KIF27: variants seen among roughly 807,000 people sequenced by gnomAD.
KIF27 encodes kinesin family member 27.
In KIF27, 84 loss-of-function variants were observed where a neutral mutation model predicts 141.8. The ratio of observed to expected loss-of-function variants is 0.59; its 90% CI spans 0.50 to 0.71. KIF27 has a LOEUF of 0.71. Among genes scored for constraint, KIF27 ranks in the 30% least tolerant of loss-of-function variants. The pLI is 0.00. For synonymous variants in KIF27, 471 were observed against 569.5 expected (o/e 0.83, Z 2.46); for missense variants, 1,306 against 1,628.4 (o/e 0.80, Z 3.41).
intron 17 of KIF27, among the ~76,000 whole-genome samples, chr9:83,839,271 A>G (rs1946289018): frequency 1.3e-5 from 2 of 152,224 alleles, no homozygotes; most frequent in Admixed American, 6.5e-5. Context: ...GGCTCACTCC[A>G]AAGCCCACTT....
At chr9:83,882,546 G>A (rs1334199245) in intron 10 of KIF27, among the ~76,000 whole-genome samples, 7 of 152,180 alleles carry the variant, frequency 4.6e-5, no homozygotes. Flanking sequence ...CCCTCAAATG[G>A]TAACTACTGT....
chr9:83,879,945 T>C (rs1564360798), intron 11 of KIF27, among the ~76,000 whole-genome samples: 1 of 152,206 alleles, frequency 6.6e-6, no homozygotes, highest in Non-Finnish European at 1.5e-5. Context: ...GGACAACGCA[T>C]GTCAAAGCAC....
intron 10 of KIF27, among the ~76,000 whole-genome samples, chr9:83,882,735 T>C (rs1478225802): frequency 6.6e-6 from 1 of 152,176 alleles, no homozygotes; most frequent in East Asian, 1.9e-4. Context: ...GAAAAGGATA[T>C]ACAGCAGGAA....
chr9:83,883,026 T>C (rs370341482), intron 10 of KIF27, among the ~76,000 whole-genome samples: 1 of 152,152 alleles, frequency 6.6e-6, no homozygotes, highest in East Asian at 1.9e-4. Flanking sequence ...ACCAGAGGTA[T>C]ATTGTAAACA....
intron 2 of KIF27, among the ~76,000 whole-genome samples, chr9:83,911,170 G>A (rs1397617229): frequency 6.6e-6 from 1 of 152,082 alleles, no homozygotes; most frequent in Non-Finnish European, 1.5e-5. Flanking sequence ...GGGCTCAGGC[G>A]ATCCTCCCAC....
intron 14 of KIF27, among the ~76,000 whole-genome samples, chr9:83,854,570 CT>C (rs897216216): frequency 3.3e-5 from 5 of 152,068 alleles, no homozygotes; most frequent in Admixed American, 2.6e-4. Context: ...TTTTCCTTTT[CT>C]TTTTTTATTT....
At chr9:83,859,570 T>C (rs1949648198) in intron 13 of KIF27, 199 bp from the exon 14 acceptor site, 2 of 538,090 alleles carry the variant, frequency 3.7e-6, no homozygotes, top group African/African-American at 1.9e-5. Flanking sequence ...TTGCTCTTGT[T>C]CCCCAGGCTA....
intron 5 of KIF27, among the ~76,000 whole-genome samples, chr9:83,896,011 C>G (rs1953187280): frequency 7.2e-6 from 1 of 138,898 alleles, no homozygotes; most frequent in African/African-American, 2.6e-5. Flanking sequence ...GAGATCATGC[C>G]ATTGCACTCC....
rs1448590868 is a variant in KIF27 at position 83,880,560 on chromosome 9, T to C, written c.2446-66A>G. 9.3e-6 allele frequency: 11 copies of C among 1,188,998 alleles called. No homozygotes were observed. In the Admixed American group the frequency reaches 1.1e-4, roughly 12 times the overall value. 73.7% of individuals were successfully genotyped at this position (1,188,998 alleles called of 1,614,324 possible). ...TCTCACAATCCTCAACTAAACTTAA[T>C]CTTTTCATTTGATGGTAAAAGAAGA... On this transcript the variant is annotated intron_variant, in intron 10 of 17. Coordinates refer to ENST00000297814, the MANE Select transcript of KIF27 (RefSeq NM_017576.4).
In KIF27 at chr9:83,915,682, T is replaced by A; in HGVS notation, c.-87-4A>T. The A allele has an allele frequency of 7.6e-7, 1 of 1,322,524 alleles. No homozygotes were observed. Among genetic ancestry groups the A allele is most frequent in the Non-Finnish European group, 1.0e-6 (1 of 973,014 alleles). 81.9% of individuals were successfully genotyped at this position (1,322,524 alleles called of 1,614,324 possible). On this transcript the variant is annotated splice_region_variant and splice_polypyrimidine_tract_variant and intron_variant, in intron 1 of 17. Transcript: ENST00000297814. ...ATCTTATGTAAGATCTGGATTCCTG[T>A]GCAACAAAAATAAAAAGCAAATTTT...
intron 4 of KIF27, among the ~76,000 whole-genome samples, chr9:83,900,859 C>G: frequency 6.6e-6 from 1 of 151,012 alleles, no homozygotes; most frequent in African/African-American, 2.4e-5. Flanking sequence ...GAAGGTCCTG[C>G]TCTACCTAGA....
chr9:83,834,145 T>C lies in KIF27; in HGVS notation c.*2856A>G, dbSNP rs1587814263. On this transcript the variant is annotated 3_prime_UTR_variant, in exon 18 of 18. Coordinates refer to ENST00000297814, the MANE Select transcript of KIF27 (RefSeq NM_017576.4). ...TTACAGTTAAGAGGAAAAAAGAACA[T>C]AATGAACGAAAAAAAGAAAACCACA... 6.6e-6 allele frequency among the ~76,000 whole-genome samples: 1 copy of C among 151,786 alleles called. No homozygotes were observed. Among genetic ancestry groups the C allele is most frequent in the South Asian group, 2.1e-4 (1 of 4,806 alleles).
At chr9:83,894,979 C>G (rs1453851052) in intron 5 of KIF27, among the ~76,000 whole-genome samples, 1 of 151,930 alleles carries the variant, frequency 6.6e-6, no homozygotes, top group African/African-American at 2.4e-5. Context: ...GGCACTGTGG[C>G]TCACACCTGT....
In KIF27 at chr9:83,918,767, C is replaced by G. The variant is rs148892926; in HGVS notation, c.-88+2604G>C. On this transcript the variant is annotated intron_variant, in intron 1 of 17. Transcript: ENST00000297814. ...ACCAGCCTGGACAACATGGTGTAAC[C>G]CCATTGCTACCTAAAATACAAAAAT... 6.2e-4 allele frequency among the ~76,000 whole-genome samples: 94 copies of G among 151,942 alleles called. 1 individual carries two copies. Among genetic ancestry groups the G allele is most frequent in the Non-Finnish European group, 1.1e-3 (74 of 67,972 alleles).
chr9:83,865,171 T>C (rs949880949), intron 13 of KIF27, among the ~76,000 whole-genome samples: 7 of 152,232 alleles, frequency 4.6e-5, no homozygotes, highest in African/African-American at 1.7e-4. Flanking sequence ...CTGTTGTATC[T>C]TTCTGGAATT....
At chr9:83,875,613 G>A (rs1343602827) in intron 11 of KIF27, among the ~76,000 whole-genome samples, 6 of 152,102 alleles carry the variant, frequency 3.9e-5, no homozygotes, top group Admixed American at 3.3e-4. Flanking sequence ...TAAAAGGACC[G>A]GTGGAGTAGG....
At position 83,836,917 on chromosome 9, in the gene KIF27, G is replaced by C; in HGVS notation, c.*84C>G. On this transcript the variant is annotated 3_prime_UTR_variant, in exon 18 of 18. Transcript: ENST00000297814. ...CTTCTTCCTTTATTCTGAGGAAAGA[G>C]GTAGTGAACTTGAGCTTTAGTTTTT... is the stretch of plus-strand genomic sequence containing the variant. 1 of 1,542,864 alleles carries C rather than the reference G, an allele frequency of 6.5e-7. No homozygotes were observed. Among genetic ancestry groups the C allele is most frequent in the African/African-American group, 1.4e-5 (1 of 72,932 alleles).
At chr9:83,885,137 G>T (rs1951984334) in intron 9 of KIF27, among the ~76,000 whole-genome samples, 1 of 152,194 alleles carries the variant, frequency 6.6e-6, no homozygotes, top group South Asian at 2.1e-4. Flanking sequence ...CTGTCACCCA[G>T]GCTAGAGTGC....
chr9:83,865,725 C>T (rs1405682660), intron 13 of KIF27, among the ~76,000 whole-genome samples: 5 of 152,128 alleles, frequency 3.3e-5, no homozygotes, highest in South Asian at 2.1e-4. Flanking sequence ...CAGCTTCTTG[C>T]TCTATCTCTA....
Sources: gnomAD v4.1 joint callset for allele counts (sites outside exome capture counted in the v4.1 genomes callset) on GRCh38, gnomAD v4.1.1 for gene constraint, MANE v1.5 for transcripts, NCBI Gene and HGNC (gene_info 2026-07-23, HGNC 2026-07-21) for gene names.